DLG2: variants seen among roughly 807,000 people sequenced by gnomAD.
DLG2 encodes the protein discs large MAGUK scaffold protein 2.
A neutral mutation model predicts 132.5 loss-of-function variants in DLG2; 45 were observed. The ratio of observed to expected loss-of-function variants is 0.34; its 90% CI spans 0.27 to 0.44. The LOEUF (loss-of-function observed/expected upper bound fraction) is 0.44. Ranked by LOEUF, DLG2 falls within the 20% of genes least tolerant of loss-of-function variation. DLG2 has a pLI of 1.00. For synonymous variants in DLG2, 424 were observed against 419.6 expected (o/e 1.01, Z -0.13); for missense variants, 1,045 against 1,196.9 (o/e 0.87, Z 1.87).
At chr11:84,758,870 A>T (rs1477561412) in intron 6 of DLG2, among the ~76,000 whole-genome samples, 1 of 152,056 alleles carries the variant, frequency 6.6e-6, no homozygotes, top group Non-Finnish European at 1.5e-5. Context: ...TAATTTATTA[A>T]TTCTTTCTGT....
At chr11:84,643,588 A>G (rs2099670825) in intron 6 of DLG2, among the ~76,000 whole-genome samples, 1 of 152,238 alleles carries the variant, frequency 6.6e-6, no homozygotes, top group Admixed American at 6.5e-5. Context: ...TGGTTCTCTT[A>G]AAATAGGGGA....
In DLG2 at chr11:84,763,684, A is replaced by G. The variant is rs569313436; in HGVS notation, c.358-228953T>C. Among the ~76,000 whole-genome samples, 12 of 152,326 alleles carry G rather than the reference A, an allele frequency of 7.9e-5. No homozygotes were observed. The East Asian group carries it at 2.3e-3, about 29-fold the overall frequency. On this transcript the variant is annotated intron_variant, in intron 6 of 27. Transcript: ENST00000376104. ...CTCAATTGGCTCCTCCCTCAGGAGA[A>G]GAAAGAGGATACACAAACATTCAGA...
At chr11:84,548,588 A>T (rs1358233119) in intron 6 of DLG2, among the ~76,000 whole-genome samples, 2 of 152,152 alleles carry the variant, frequency 1.3e-5, no homozygotes, top group Non-Finnish European at 2.9e-5. Context: ...AGCTTCATCC[A>T]TGTCCCTACA....
rs534881583 is a variant in DLG2, at chr11:85,066,626, G to C, written c.357+45035C>G. On this transcript the variant is annotated intron_variant, in intron 6 of 27. Coordinates refer to ENST00000376104, the MANE Select transcript of DLG2 (RefSeq NM_001142699.3). ...ATTGGGTTTTATCCAGGGATGTAAG[G>C]GTAGTTCAACATACAGAAATCAATA... is the stretch of plus-strand genomic sequence containing the variant. 2.0e-5 allele frequency among the ~76,000 whole-genome samples: 3 copies of C among 151,446 alleles called. No homozygotes were observed. In the South Asian group the frequency reaches 6.2e-4, roughly 32 times the overall value.
At chr11:84,854,455 T>C (rs895186327) in intron 6 of DLG2, among the ~76,000 whole-genome samples, 8 of 152,150 alleles carry the variant, frequency 5.3e-5, no homozygotes, top group African/African-American at 1.7e-4. Context: ...CTACCACCAC[T>C]ACCAATCATA....
At chr11:83,646,992 T>C (rs906445714) in intron 18 of DLG2, 1 of 152,150 alleles carries the variant, frequency 6.6e-6, no homozygotes, top group African/African-American at 2.4e-5. Context: ...TGTGATTCCG[T>C]TTTGTTTTAA....
At chr11:84,834,081 A>G (rs2079392282) in intron 6 of DLG2, among the ~76,000 whole-genome samples, 1 of 151,746 alleles carries the variant, frequency 6.6e-6, no homozygotes. Context: ...AGATATTTCT[A>G]AAAACTATAA....
At chr11:84,624,897 G>A (rs1253804520) in intron 6 of DLG2, among the ~76,000 whole-genome samples, 1 of 80,116 alleles carries the variant, frequency 1.2e-5, no homozygotes, top group Admixed American at 1.4e-4. Flanking sequence ...TCGCTCTGTC[G>A]CCCAGGCTGG....
At chr11:85,462,767 G>A (rs190318149) in intron 3 of DLG2, among the ~76,000 whole-genome samples, 16 of 151,552 alleles carry the variant, frequency 1.1e-4, no homozygotes, top group African/African-American at 2.2e-4. Flanking sequence ...AAACGTGCAC[G>A]TTTTGCTCAT....
intron 6 of DLG2, among the ~76,000 whole-genome samples, chr11:84,862,838 T>G (rs1258366579): frequency 8.7e-5 from 8 of 92,246 alleles, no homozygotes; most frequent in Admixed American, 2.5e-4. Context: ...GGTGGGGGAC[T>G]AGGGGAGGAA....
chr11:83,941,698 A>G (rs1294164234), intron 14 of DLG2, among the ~76,000 whole-genome samples: 1 of 152,170 alleles, frequency 6.6e-6, no homozygotes, highest in African/African-American at 2.4e-5. Context: ...CCGGTCTGCT[A>G]CATGCTTTTA....
At chr11:84,494,264 C>T (rs886598278) in intron 7 of DLG2, among the ~76,000 whole-genome samples, 1 of 152,126 alleles carries the variant, frequency 6.6e-6, no homozygotes. Flanking sequence ...GAATATGCTG[C>T]CCATGCCTTT....
intron 7 of DLG2, among the ~76,000 whole-genome samples, chr11:84,331,239 T>C (rs1567312823): frequency 6.6e-6 from 1 of 152,136 alleles, no homozygotes; most frequent in Non-Finnish European, 1.5e-5. Context: ...CCAAGAAACT[T>C]ACAGAATTAG....
chr11:84,412,341 T>C (rs1567565716), intron 7 of DLG2, among the ~76,000 whole-genome samples: 1 of 151,682 alleles, frequency 6.6e-6, no homozygotes, highest in Non-Finnish European at 1.5e-5. Context: ...TTGTGCCAAA[T>C]ACTATGTACT....
intron 6 of DLG2, among the ~76,000 whole-genome samples, chr11:84,841,614 G>C (rs1294751670): frequency 6.6e-6 from 1 of 151,882 alleles, no homozygotes; most frequent in Non-Finnish European, 1.5e-5. Context: ...TTTATTCTAT[G>C]AACAAATGAA....
chr11:84,919,957 G>T (rs1219141324), intron 6 of DLG2, among the ~76,000 whole-genome samples: 1 of 152,092 alleles, frequency 6.6e-6, no homozygotes, highest in East Asian at 1.9e-4. Context: ...ATCATATTTT[G>T]TAAAAAGTTA....
chr11:84,922,556 A>G (rs554114556), intron 6 of DLG2, among the ~76,000 whole-genome samples: 1 of 152,288 alleles, frequency 6.6e-6, no homozygotes, highest in East Asian at 1.9e-4. Context: ...GACGATTTGT[A>G]TAATCAGTAT....
intron 4 of DLG2, among the ~76,000 whole-genome samples, chr11:85,177,835 T>C (rs1196546949): frequency 6.6e-6 from 1 of 152,094 alleles, no homozygotes; most frequent in African/African-American, 2.4e-5. Context: ...TCTCAAATCA[T>C]GTAATGAGAA....
intron 18 of DLG2, among the ~76,000 whole-genome samples, chr11:83,722,134 A>G (rs1052852221): frequency 1.3e-5 from 2 of 152,130 alleles, no homozygotes; most frequent in Non-Finnish European, 2.9e-5. Flanking sequence ...TTATTTTACT[A>G]TTTTTTATTT....
Sources: gnomAD v4.1 joint callset for allele counts (sites outside exome capture counted in the v4.1 genomes callset) on GRCh38, gnomAD v4.1.1 for gene constraint, MANE v1.5 for transcripts, NCBI Gene and HGNC (gene_info 2026-07-23, HGNC 2026-07-21) for gene names.